RALYL: variants seen among roughly 807,000 people sequenced by gnomAD.
RALYL encodes the protein RNA-binding Raly-like protein.
Under a neutral mutation model 35.1 loss-of-function variants are expected in RALYL, and 29 were observed. The observed-to-expected ratio is 0.83, with a 90% CI of 0.61 to 1.13. The LOEUF (loss-of-function observed/expected upper bound fraction) is 1.13, where lower values mean the gene tolerates loss of function less well. Ranked by LOEUF, RALYL falls within the 50% of genes most tolerant of loss-of-function variation. RALYL has a pLI of 0.00. For synonymous variants in RALYL, 120 were observed against 127.6 expected (o/e 0.94, Z 0.40); for missense variants, 359 against 360.4 (o/e 1.00, Z 0.03).
intron 2 of RALYL, among the ~76,000 whole-genome samples, chr8:84,681,300 G>T (rs534534366): frequency 2.0e-5 from 3 of 152,256 alleles, no homozygotes; most frequent in African/African-American, 7.2e-5. Context: ...CTCCAGCTTT[G>T]CTCTTTTTGC....
intron 2 of RALYL, among the ~76,000 whole-genome samples, chr8:84,766,768 A>G (rs1814189707): frequency 6.8e-6 from 1 of 147,326 alleles, no homozygotes; most frequent in South Asian, 2.1e-4. Flanking sequence ...CATTGTTCTG[A>G]TAAACACCAT....
intron 2 of RALYL, among the ~76,000 whole-genome samples, chr8:84,539,860 A>ATATATATATG (rs2059887830): frequency 2.7e-5 from 2 of 74,274 alleles, no homozygotes; most frequent in African/African-American, 1.1e-4. Flanking sequence ...ATATGTATAT[A>ATATATATATG]TATATATATA....
intron 4 of RALYL, among the ~76,000 whole-genome samples, chr8:84,811,542 T>G (rs1328939676): frequency 6.6e-6 from 1 of 152,178 alleles, no homozygotes; most frequent in Non-Finnish European, 1.5e-5. Flanking sequence ...TTGTGCTTCT[T>G]GTATTTAGAT....
At chr8:84,883,539 C>T (rs943146738) in intron 7 of RALYL, among the ~76,000 whole-genome samples, 2 of 151,940 alleles carry the variant, frequency 1.3e-5, no homozygotes, top group Admixed American at 6.6e-5. Flanking sequence ...CTTATAAAAC[C>T]ATCAGATCTT....
rs1010870220 is a variant in RALYL, at chr8:84,356,405, G to A, written c.-24+171981G>A. On this transcript the variant is annotated intron_variant, in intron 1 of 8. Coordinates refer to ENST00000521268, the MANE Select transcript of RALYL (RefSeq NM_173848.7). The stretch of plus-strand genomic sequence containing the variant: ...AAGATCAAGAGGGTAGTTCCAAGAC[G>A]ATACACTGGTTCAGGCCCTTTTATT... Among the ~76,000 whole-genome samples, 11 of 150,302 alleles carry A rather than the reference G, an allele frequency of 7.3e-5. 1 individual carries two copies. The highest frequency in any genetic ancestry group is 1.6e-4 in the Non-Finnish European group (11 of 67,730).
At chr8:84,249,343 C>G (rs969285413) in intron 1 of RALYL, among the ~76,000 whole-genome samples, 1 of 152,056 alleles carries the variant, frequency 6.6e-6, no homozygotes, top group Admixed American at 6.6e-5. Context: ...CAAGACAAAA[C>G]TTGTACAAGA....
At chr8:84,637,390 C>T (rs566959018) in intron 2 of RALYL, among the ~76,000 whole-genome samples, 8 of 151,846 alleles carry the variant, frequency 5.3e-5, no homozygotes, top group East Asian at 3.9e-4. Context: ...GGTCAGGTGA[C>T]GTTTCCTAGA....
At chr8:84,857,472 T>C (rs1837288711) in intron 5 of RALYL, among the ~76,000 whole-genome samples, 1 of 152,224 alleles carries the variant, frequency 6.6e-6, no homozygotes, top group Non-Finnish European at 1.5e-5. Context: ...TAATCTAAAA[T>C]GAAAATTTAA....
At chr8:84,226,946 G>A (rs1260064166) in intron 1 of RALYL, among the ~76,000 whole-genome samples, 1 of 151,782 alleles carries the variant, frequency 6.6e-6, no homozygotes, top group Non-Finnish European at 1.5e-5. Flanking sequence ...GAGTGGACTA[G>A]AGTACCTTGC....
chr8:84,579,485 G>T (rs1308550478), intron 2 of RALYL, among the ~76,000 whole-genome samples: 1 of 152,204 alleles, frequency 6.6e-6, no homozygotes, highest in Non-Finnish European at 1.5e-5. Flanking sequence ...CATGGCACTT[G>T]CTGACTCTGT....
At chr8:84,261,599 G>A (rs925413063) in intron 1 of RALYL, among the ~76,000 whole-genome samples, 4 of 152,108 alleles carry the variant, frequency 2.6e-5, no homozygotes, top group African/African-American at 9.7e-5. Flanking sequence ...CTTTATAGCA[G>A]CATGAGAATG....
At chr8:84,367,318 A>ATTTGTTTTTGTTTTTTTTTTTTTTGTTT (rs756622990) in intron 1 of RALYL, among the ~76,000 whole-genome samples, 4 of 27,400 alleles carry the variant, frequency 1.5e-4, no homozygotes, top group Non-Finnish European at 3.9e-4. Flanking sequence ...TAATTTTTGT[A>ATTTGTTTTTGTTTTTTTTTTTTTTGTTT]TTTTTTTTTT....
At chr8:84,823,912 G>A (rs1324960645) in intron 4 of RALYL, among the ~76,000 whole-genome samples, 2 of 151,902 alleles carry the variant, frequency 1.3e-5, no homozygotes, top group Non-Finnish European at 2.9e-5. Flanking sequence ...ACATCATATT[G>A]AACAGACAAA....
intron 1 of RALYL, among the ~76,000 whole-genome samples, chr8:84,494,384 T>C (rs909970925): frequency 6.6e-6 from 1 of 152,008 alleles, no homozygotes; most frequent in African/African-American, 2.4e-5. Flanking sequence ...CTTTGCTATG[T>C]GGGCTTTTTG....
At chr8:84,466,515 C>G (rs1315190464) in intron 1 of RALYL, among the ~76,000 whole-genome samples, 1 of 151,578 alleles carries the variant, frequency 6.6e-6, no homozygotes, top group Non-Finnish European at 1.5e-5. Flanking sequence ...GGTGGATAAG[C>G]TTTTTGATGT....
chr8:84,717,733 T>C (rs1843178135), intron 2 of RALYL, among the ~76,000 whole-genome samples: 1 of 152,212 alleles, frequency 6.6e-6, no homozygotes, highest in African/African-American at 2.4e-5. Context: ...ACTACAATGG[T>C]AATATTATTT....
At chr8:84,726,346 AG>A (rs1212522789) in intron 2 of RALYL, among the ~76,000 whole-genome samples, 2 of 148,152 alleles carry the variant, frequency 1.3e-5, no homozygotes, top group African/African-American at 4.9e-5. Flanking sequence ...TTATTTTTGT[AG>A]GTATAGTCCT....
At chr8:84,639,714 T>A (rs1479984595) in intron 2 of RALYL, among the ~76,000 whole-genome samples, 1 of 151,966 alleles carries the variant, frequency 6.6e-6, no homozygotes, top group Non-Finnish European at 1.5e-5. Flanking sequence ...CTGCCCCTGG[T>A]CCATCATACA....
chr8:84,377,979 A>G (rs1857257105), intron 1 of RALYL, among the ~76,000 whole-genome samples: 2 of 151,942 alleles, frequency 1.3e-5, no homozygotes, highest in African/African-American at 4.8e-5. Context: ...AGAATTTAAC[A>G]AAGCAATGAG....
Sources: allele counts gnomAD v4.1 joint callset (sites outside exome capture counted in the v4.1 genomes callset), GRCh38; gene constraint gnomAD v4.1.1; transcripts MANE v1.5; gene names NCBI Gene and HGNC (gene_info 2026-07-23, HGNC 2026-07-21).